SORBS2: variants seen among roughly 807,000 people sequenced by gnomAD.
SORBS2 encodes sorbin and SH3 domain-containing protein 2.
A neutral mutation model predicts 97.7 loss-of-function variants in SORBS2; 46 were observed. The ratio of observed to expected loss-of-function variants is 0.47; its 90% CI spans 0.37 to 0.60. SORBS2 has a LOEUF of 0.60. Ranked by LOEUF, SORBS2 falls within the 20% of genes least tolerant of loss-of-function variation. The pLI is 0.00. For synonymous variants in SORBS2, 476 were observed against 473.4 expected (o/e 1.01, Z -0.07); for missense variants, 1,316 against 1,282.3 (o/e 1.03, Z -0.40).
At chr4:185,654,226 G>T (rs2097359716) in intron 1 of SORBS2, among the ~76,000 whole-genome samples, 1 of 152,198 alleles carries the variant, frequency 6.6e-6, no homozygotes, top group Admixed American at 6.5e-5. Context: ...TGGTGGAAGG[G>T]ATTGCAGTGG....
chr4:185,867,854 C>G (rs995223740), intron 1 of SORBS2, among the ~76,000 whole-genome samples: 1 of 152,058 alleles, frequency 6.6e-6, no homozygotes, highest in Non-Finnish European at 1.5e-5. Flanking sequence ...ACCTACACCT[C>G]GAGGGGGCAC....
rs191574708 is a variant in SORBS2 at position 185,934,640 on chromosome 4, C to T, written c.-338+21556G>A. 3.3e-3 allele frequency among the ~76,000 whole-genome samples: 498 copies of T among 151,990 alleles called. 4 individuals carry two copies. The highest frequency in any genetic ancestry group is 4.4e-3 in the Non-Finnish European group (301 of 67,960). On this transcript the variant is annotated intron_variant, in intron 1 of 20. Transcript: ENST00000284776. ...ACAACAACAACAACAACAAATTAGCCAGACATGGTGGCGGGCCCCTGTAAT... is the reference window on the plus strand; with the variant it reads ...ACAACAACAACAACAACAAATTAGCTAGACATGGTGGCGGGCCCCTGTAAT...
intron 1 of SORBS2, among the ~76,000 whole-genome samples, chr4:185,948,180 C>T (rs2099275450): frequency 6.6e-6 from 1 of 152,164 alleles, no homozygotes; most frequent in South Asian, 2.1e-4. Flanking sequence ...AGTTTCCTAT[C>T]AGGCCATCTA....
chr4:185,809,849 T>C (rs1189374918), intron 1 of SORBS2, among the ~76,000 whole-genome samples: 1 of 152,214 alleles, frequency 6.6e-6, no homozygotes, highest in African/African-American at 2.4e-5. Context: ...CCTGGATATT[T>C]CTACACCTCA....
At chr4:185,815,339 AT>A (rs1466697260) in intron 1 of SORBS2, among the ~76,000 whole-genome samples, 3 of 151,988 alleles carry the variant, frequency 2.0e-5, no homozygotes, top group Admixed American at 6.5e-5. Flanking sequence ...TCATAAAGGT[AT>A]TTTTTATATA....
chr4:185,644,473 C>T (rs2097176859), intron 4 of SORBS2, among the ~76,000 whole-genome samples: 1 of 152,198 alleles, frequency 6.6e-6, no homozygotes, highest in African/African-American at 2.4e-5. Flanking sequence ...CAAATAACTG[C>T]TACTTCAATG....
intron 4 of SORBS2, among the ~76,000 whole-genome samples, chr4:185,641,032 G>T (rs2097116116): frequency 6.6e-6 from 1 of 152,126 alleles, no homozygotes; most frequent in South Asian, 2.1e-4. Flanking sequence ...CTTACTAAAT[G>T]AATAAGACTT....
chr4:185,627,097 C>A, intron 5 of SORBS2, 78 bp from the exon 18 acceptor site: 3 of 1,292,774 alleles, frequency 2.3e-6, no homozygotes, highest in Non-Finnish European at 3.3e-6. Flanking sequence ...GTGGAACGTG[C>A]TAGTGACAAT....
intron 1 of SORBS2, among the ~76,000 whole-genome samples, chr4:185,887,053 A>T (rs914339676): frequency 2.6e-5 from 4 of 152,148 alleles, no homozygotes; most frequent in Non-Finnish European, 4.4e-5. Context: ...CTGGCTTTGC[A>T]GCACACTTGA....
chr4:185,934,852 CG>C (rs2099268206), intron 1 of SORBS2, among the ~76,000 whole-genome samples: 1 of 151,762 alleles, frequency 6.6e-6, no homozygotes, highest in African/African-American at 2.4e-5. Context: ...ATACTCAAGA[CG>C]GGGTCTGTCT....
chr4:185,835,156 C>T (rs1160297275), intron 1 of SORBS2, among the ~76,000 whole-genome samples: 5 of 152,198 alleles, frequency 3.3e-5, no homozygotes, highest in Admixed American at 6.5e-5. Flanking sequence ...GAAGCCTCCG[C>T]AGAAGCAGAT....
intron 5 of SORBS2, among the ~76,000 whole-genome samples, chr4:185,628,977 G>A (rs2096862214): frequency 6.6e-6 from 1 of 152,210 alleles, no homozygotes; most frequent in African/African-American, 2.4e-5. Flanking sequence ...CAAGACTTGT[G>A]TAGACAACAG....
At chr4:185,598,579 T>A (rs2096175363) in intron 12 of SORBS2, among the ~76,000 whole-genome samples, 1 of 152,242 alleles carries the variant, frequency 6.6e-6, no homozygotes. Context: ...CAAATAATTC[T>A]TAAAGAAGGA....
At chr4:185,670,964 A>C (rs1212736882) in intron 4 of SORBS2, among the ~76,000 whole-genome samples, 1 of 152,212 alleles carries the variant, frequency 6.6e-6, no homozygotes, top group Non-Finnish European at 1.5e-5. Flanking sequence ...AAGGAGTCAG[A>C]GAGTATCATG....
intron 12 of SORBS2, among the ~76,000 whole-genome samples, chr4:185,603,014 C>A (rs1245826065): frequency 6.6e-6 from 1 of 152,166 alleles, no homozygotes; most frequent in Non-Finnish European, 1.5e-5. Flanking sequence ...TTAAAATATT[C>A]TTTTAAAACA....
chr4:185,869,330 C>T (rs774784717), intron 1 of SORBS2, among the ~76,000 whole-genome samples: 2 of 152,192 alleles, frequency 1.3e-5, no homozygotes, highest in Non-Finnish European at 1.5e-5. Flanking sequence ...ACTGGAATAA[C>T]TGCAGGTTAA....
intron 1 of SORBS2, among the ~76,000 whole-genome samples, chr4:185,793,351 T>TTTG (rs2099090016): frequency 6.6e-6 from 1 of 152,224 alleles, no homozygotes; most frequent in Non-Finnish European, 1.5e-5. Flanking sequence ...CCACATTCTA[T>TTTG]CCTGTCATCA....
intron 1 of SORBS2, among the ~76,000 whole-genome samples, chr4:185,790,911 C>T (rs572510274): frequency 6.6e-6 from 1 of 152,246 alleles, no homozygotes; most frequent in Non-Finnish European, 1.5e-5. Context: ...GAAAGGAAGG[C>T]TGATTTTGGT....
chr4:185,755,718 T>G (rs1358687772), intron 2 of SORBS2, among the ~76,000 whole-genome samples: 1 of 152,212 alleles, frequency 6.6e-6, no homozygotes, highest in Non-Finnish European at 1.5e-5. Context: ...TCACTTAGAC[T>G]CTCTTATCAC....
Sources: allele counts gnomAD v4.1 joint callset (sites outside exome capture counted in the v4.1 genomes callset), GRCh38; gene constraint gnomAD v4.1.1; transcripts MANE v1.5; gene names NCBI Gene and HGNC (gene_info 2026-07-23, HGNC 2026-07-21).